The following SGK1 variants were observed in gnomAD, a reference collection of about 807,000 sequenced individuals.
SGK1 encodes the protein serum/glucocorticoid regulated kinase 1.
A neutral mutation model predicts 64.2 loss-of-function variants in SGK1; 26 were observed. That is an observed-to-expected ratio of 0.40 (90% CI 0.30 to 0.56). The LOEUF is 0.56. Among genes scored for constraint, SGK1 ranks in the 20% least tolerant of loss-of-function variants. The probability of loss-of-function intolerance (pLI) is 0.38; values close to 1 mark genes in which losing one functional copy is unlikely to be tolerated. For synonymous variants in SGK1, 265 were observed against 239.7 expected (o/e 1.11, Z -0.98); for missense variants, 519 against 645.6 (o/e 0.80, Z 2.12).
rs150044275 is a variant in SGK1 at position 134,173,432 on chromosome 6, G to A, written c.618+30C>T. Reference sequence around the variant, plus strand: ...ATACAAAAGAGGACATGAAGGAAGTGTACCAAAAGATCTTCAGATTTGAAA... The same window carrying A: ...ATACAAAAGAGGACATGAAGGAAGTATACCAAAAGATCTTCAGATTTGAAA... On this transcript the variant is annotated intron_variant, in intron 6 of 13. Transcript: ENST00000367858. 5,058 of 1,578,356 alleles carry A rather than the reference G, an allele frequency of 3.2e-3. 21 individuals are homozygous for A. Among genetic ancestry groups the A allele is most frequent in the Non-Finnish European group, 3.8e-3 (4,431 of 1,151,552 alleles).
intron 1 of SGK1, among the ~76,000 whole-genome samples, chr6:134,270,285 C>T (rs1776919523): frequency 6.8e-6 from 1 of 147,296 alleles, no homozygotes; most frequent in Admixed American, 7.0e-5. Flanking sequence ...AACAACAGGA[C>T]TTTTATGCTA....
At chr6:134,302,261 C>A (rs2114793777) in intron 1 of SGK1, among the ~76,000 whole-genome samples, 1 of 152,276 alleles carries the variant, frequency 6.6e-6, no homozygotes, top group East Asian at 1.9e-4. Context: ...GTGCCTTGTG[C>A]ATATGTAACT....
chr6:134,173,728 T>A (rs752660094), intron 5 of SGK1, 162 bp from the exon 6 acceptor site: 1 of 619,854 alleles, frequency 1.6e-6, no homozygotes, highest in African/African-American at 1.8e-5. Context: ...CAAATGAGTA[T>A]GGAAACTGCA....
chr6:134,221,496 G>A (rs1050690447), intron 2 of SGK1, among the ~76,000 whole-genome samples: 1 of 151,948 alleles, frequency 6.6e-6, no homozygotes, highest in Non-Finnish European at 1.5e-5. Context: ...CTCAGTGAAG[G>A]CTTGCTTGTC....
At chr6:134,275,525 G>C (rs1236583268) in intron 1 of SGK1, among the ~76,000 whole-genome samples, 1 of 152,118 alleles carries the variant, frequency 6.6e-6, no homozygotes, top group Non-Finnish European at 1.5e-5. Flanking sequence ...TGAAACAATT[G>C]GTTCCCCACT....
intron 2 of SGK1, among the ~76,000 whole-genome samples, chr6:134,208,766 ATATATGTG>A (rs201957102): frequency 0.68 from 101,723 of 150,040 alleles, 37,682 homozygotes; most frequent in South Asian, 0.89. Flanking sequence ...ATATACACAT[ATATATGTG>A]TATATATAGA....
chr6:134,287,783 T>C (rs1367184140), intron 1 of SGK1, among the ~76,000 whole-genome samples: 1 of 152,156 alleles, frequency 6.6e-6, no homozygotes, highest in African/African-American at 2.4e-5. Flanking sequence ...AGTTTTTTTA[T>C]GGAAAGTAAT....
intron 2 of SGK1, among the ~76,000 whole-genome samples, chr6:134,214,034 A>C (rs1421556255): frequency 6.6e-6 from 1 of 152,136 alleles, no homozygotes; most frequent in African/African-American, 2.4e-5. Flanking sequence ...TTTGGCTGGA[A>C]TATTTTAAAT....
chr6:134,232,419 GAA>G (rs1776296735), intron 2 of SGK1, among the ~76,000 whole-genome samples: 1 of 17,410 alleles, frequency 5.7e-5, no homozygotes, highest in Non-Finnish European at 1.2e-4. Context: ...GAAAGAGAAA[GAA>G]AGAAAGAAAG....
At chr6:134,257,657 T>G (rs1776704947) in intron 2 of SGK1, among the ~76,000 whole-genome samples, 1 of 152,188 alleles carries the variant, frequency 6.6e-6, no homozygotes, top group African/African-American at 2.4e-5. Context: ...CAGGGTTAAC[T>G]AGCTGAGGCC....
rs1429103880 is a variant in SGK1, at chr6:134,192,564, T to A, written c.361+14792A>T. Reference sequence around the variant, plus strand: ...TGCCTCTGGCATCCCTGGTTTTACCTTCGTCTTCCTACCTCCCTCCCACCT... The same window carrying A: ...TGCCTCTGGCATCCCTGGTTTTACCATCGTCTTCCTACCTCCCTCCCACCT... On this transcript the variant is annotated intron_variant, in intron 3 of 13. Coordinates refer to ENST00000367858, the MANE Select transcript of SGK1 (RefSeq NM_001143676.3). Among the ~76,000 whole-genome samples the A allele has an allele frequency of 1.1e-4, 16 of 152,076 alleles. 1 individual carries two copies. The highest frequency in any genetic ancestry group is 5.9e-5 in the Non-Finnish European group (4 of 68,006).
intron 3 of SGK1, among the ~76,000 whole-genome samples, chr6:134,198,534 T>A (rs544885112): frequency 6.6e-6 from 1 of 152,070 alleles, no homozygotes; most frequent in East Asian, 1.9e-4. Flanking sequence ...CTGAAGTCCT[T>A]CCTCTGCTTG....
chr6:134,296,814 G>A (rs1178428859), intron 1 of SGK1, among the ~76,000 whole-genome samples: 1 of 120,874 alleles, frequency 8.3e-6, no homozygotes. Context: ...GAATTGTTTT[G>A]TAGCTGGAGG....
chr6:134,273,440 A>C (rs1232221255), intron 1 of SGK1, among the ~76,000 whole-genome samples: 7 of 148,188 alleles, frequency 4.7e-5, no homozygotes, highest in Non-Finnish European at 6.0e-5. Flanking sequence ...AAAAATACAA[A>C]AAATTAGCCG....
At chr6:134,230,611 TG>T (rs1776262943) in intron 2 of SGK1, 1 of 152,174 alleles carries the variant, frequency 6.6e-6, no homozygotes. Context: ...TACCTCCACC[TG>T]GTCTCTCCTT....
At chr6:134,283,433 G>A (rs189527855) in intron 1 of SGK1, among the ~76,000 whole-genome samples, 1 of 152,208 alleles carries the variant, frequency 6.6e-6, no homozygotes, top group East Asian at 1.9e-4. Flanking sequence ...GGAGGTTGCA[G>A]TGAGCGAAGA....
chr6:134,207,523 G>C (rs1375042978), intron 2 of SGK1, 92 bp from the exon 3 acceptor site: 7 of 849,576 alleles, frequency 8.2e-6, no homozygotes, highest in African/African-American at 3.4e-5. Flanking sequence ...GGATTCCAAG[G>C]CTGAAACTAG....
At chr6:134,197,040 C>T (rs1406291096) in intron 3 of SGK1, among the ~76,000 whole-genome samples, 1 of 152,072 alleles carries the variant, frequency 6.6e-6, no homozygotes, top group Non-Finnish European at 1.5e-5. Context: ...TGGGACCAGC[C>T]TGGACAACAT....
rs533246791 is a variant in SGK1 at position 134,253,835 on chromosome 6, C to G, written c.285+8098G>C. Among the ~76,000 whole-genome samples the G allele has an allele frequency of 3.9e-5, 6 of 152,218 alleles. No homozygotes were observed. In the South Asian group the frequency reaches 1.2e-3, roughly 32 times the overall value. ...ATAACTTCAAATCGCATGGATCCTT[C>G]CAGAGGACTCTGGCTTCACTAGGCC... On this transcript the variant is annotated intron_variant, in intron 2 of 13. Coordinates refer to ENST00000367858, the MANE Select transcript of SGK1 (RefSeq NM_001143676.3).
Sources: allele counts gnomAD v4.1 joint callset (sites outside exome capture counted in the v4.1 genomes callset), GRCh38; gene constraint gnomAD v4.1.1; transcripts MANE v1.5; gene names NCBI Gene and HGNC (gene_info 2026-07-23, HGNC 2026-07-21).